SLAMF9: variants seen among roughly 807,000 people sequenced by gnomAD.
The protein encoded by SLAMF9 is CD2 family member 10.
SLAMF9 carries 25 observed loss-of-function variants against 30.4 expected under a neutral mutation model. The observed-to-expected ratio is 0.82, with a 90% CI of 0.60 to 1.15. The LOEUF (loss-of-function observed/expected upper bound fraction) is 1.15, where lower values mean the gene tolerates loss of function less well. SLAMF9 is among the 50% of genes most tolerant of loss of function. The pLI, the probability that SLAMF9 is intolerant of heterozygous loss-of-function variation, is 0.00. For synonymous variants in SLAMF9, 129 were observed against 127.2 expected, an observed-to-expected ratio of 1.01 and a Z score of -0.09; for missense variants, 344 against 346.1, an observed-to-expected ratio of 0.99 and a Z score of 0.05.
the SLAMF9 span, among the ~76,000 whole-genome samples, chr1:159,968,432 C>G: frequency 6.6e-6 from 1 of 152,212 alleles, no homozygotes; most frequent in Non-Finnish European, 1.5e-5. Context: ...GGGCTACTCA[C>G]TCCTCTCCTT....
At chr1:159,954,014 T>C in intron 1 of SLAMF9, 78 bp downstream of exon 1, 1 of 1,561,272 alleles carries the variant, frequency 6.4e-7, no homozygotes, top group Non-Finnish European at 8.8e-7. Flanking sequence ...GAAAGGGTCT[T>C]ACTGGCCCAG....
chr1:159,971,872 C>T, the SLAMF9 span, among the ~76,000 whole-genome samples: 1 of 152,114 alleles, frequency 6.6e-6, no homozygotes, highest in African/African-American at 2.4e-5. Context: ...TGTTTCTCCC[C>T]TGGCACTCTG....
At chr1:159,975,089 T>C in the SLAMF9 span, among the ~76,000 whole-genome samples, 1 of 152,194 alleles carries the variant, frequency 6.6e-6, no homozygotes, top group African/African-American at 2.4e-5. Context: ...TCAGTACTCA[T>C]ATGTACGTCA....
Position 159,954,194 on chromosome 1 carries a change from C to A in SLAMF9, c.-57G>T. 2 of 1,594,082 alleles carry A rather than the reference C, an allele frequency of 1.3e-6. No individual in the cohort carries two copies. The highest frequency in any genetic ancestry group is 1.7e-6 in the Non-Finnish European group (2 of 1,163,332). On this transcript the variant is annotated 5_prime_UTR_variant, in exon 1 of 4. Transcript: ENST00000368093. ...CAGTCAGTCAGTCCCCAGGACTGTG[C>A]AGAAGACTGCATTAGGAGGCTCCTA...
At chr1:159,975,095 C>T in the SLAMF9 span, among the ~76,000 whole-genome samples, 1 of 152,140 alleles carries the variant, frequency 6.6e-6, no homozygotes, top group African/African-American at 2.4e-5. Flanking sequence ...CTCATATGTA[C>T]GTCAGAGATC....
At chr1:159,966,533 C>A in the SLAMF9 span, among the ~76,000 whole-genome samples, 1 of 152,142 alleles carries the variant, frequency 6.6e-6, no homozygotes, top group African/African-American at 2.4e-5. Context: ...TTTTGAGGAA[C>A]CTCCATACTG....
the SLAMF9 span, chr1:159,976,920 G>GAA: frequency 0.016 from 10 of 640 alleles, 1 homozygote; most frequent in Admixed American, 0.11. Context: ...AAAAAAGAAA[G>GAA]AAAGAAAGAA....
chr1:159,981,720 G>A, the SLAMF9 span, among the ~76,000 whole-genome samples: 1 of 152,228 alleles, frequency 6.6e-6, no homozygotes, highest in African/African-American at 2.4e-5. Context: ...TATTTTGGTT[G>A]TGTTGGGTGT....
the SLAMF9 span, chr1:159,972,514 A>T: frequency 6.5e-6 from 1 of 152,976 alleles, no homozygotes; most frequent in Admixed American, 6.5e-5. Flanking sequence ...CCTAGCCCCC[A>T]GGGCTCAGAA....
chr1:159,958,504 A>G (rs1173552612), upstream of SLAMF9, among the ~76,000 whole-genome samples: 1 of 151,440 alleles, frequency 6.6e-6, no homozygotes, highest in Non-Finnish European at 1.5e-5. Context: ...TCTATCACCC[A>G]GGCTGGAGTG....
At chr1:159,952,234 T>C in intron 3 of SLAMF9, 28 bp downstream of exon 3, 1 of 1,611,886 alleles carries the variant, frequency 6.2e-7, no homozygotes. Context: ...TTTCATGAGC[T>C]CAGGGGGTGT....
At chr1:159,982,768 C>T in the SLAMF9 span, among the ~76,000 whole-genome samples, 5,095 of 152,290 alleles carry the variant, frequency 0.033, 183 homozygotes, top group African/African-American at 0.092. Flanking sequence ...CGGTGGCTCA[C>T]GCCTGTAATC....
chr1:159,964,077 AC>A, the SLAMF9 span, among the ~76,000 whole-genome samples: 1 of 152,064 alleles, frequency 6.6e-6, no homozygotes, highest in Non-Finnish European at 1.5e-5. Context: ...AAACAAACAA[AC>A]AAAAAAGACA....
At chr1:159,972,048 A>T in the SLAMF9 span, among the ~76,000 whole-genome samples, 1 of 152,156 alleles carries the variant, frequency 6.6e-6, no homozygotes, top group Non-Finnish European at 1.5e-5. Context: ...GAAGCAGGAG[A>T]CGTAGACAAC....
chr1:159,973,981 G>T, the SLAMF9 span: 1 of 1,610,286 alleles, frequency 6.2e-7, no homozygotes, highest in Non-Finnish European at 8.5e-7. Flanking sequence ...TGAGACAGTG[G>T]TGTATTCTTC....
the SLAMF9 span, among the ~76,000 whole-genome samples, chr1:159,963,878 G>A: frequency 6.6e-6 from 1 of 152,116 alleles, no homozygotes; most frequent in Non-Finnish European, 1.5e-5. Context: ...GGCCAACATA[G>A]TCAAATCCCA....
rs1651831997 is a variant in SLAMF9 at position 159,953,402 on chromosome 1, G to T, written c.298C>A (p.Leu100Met). The T allele has an allele frequency of 5.0e-6, 8 of 1,614,130 alleles. No homozygotes were observed. The highest frequency in any genetic ancestry group is 6.8e-6 in the Non-Finnish European group (8 of 1,180,058). The change falls in exon 2 of 4, where the codon CTG becomes ATG. Residue 100 changes from leucine to methionine, a missense_variant. Leu to Met is a conservative substitution (Grantham distance 15, BLOSUM62 2). Transcript: ENST00000368093. ...TAAAGCCCTGAATCCTCCCAGCTCA[G>T]ATTGCTGATATGCAGGGAATAGCTG... ...DPSYSLHISNLSWEDSGLYQA... is the reference protein window; with the variant it reads ...DPSYSLHISNMSWEDSGLYQA...
the SLAMF9 span, chr1:159,972,864 G>T: frequency 1.0e-6 from 1 of 970,892 alleles, no homozygotes; most frequent in Non-Finnish European, 1.4e-6. Context: ...GGGATGGGAG[G>T]CTCAGCCTGA....
chr1:159,963,614 A>T, the SLAMF9 span, among the ~76,000 whole-genome samples: 1 of 151,924 alleles, frequency 6.6e-6, no homozygotes, highest in African/African-American at 2.4e-5. Context: ...TCCTCAACTT[A>T]CCTCTTAAGT....
Sources: allele counts gnomAD v4.1 joint callset (sites outside exome capture counted in the v4.1 genomes callset), GRCh38; gene constraint gnomAD v4.1.1; transcripts MANE v1.5; gene names NCBI Gene and HGNC (gene_info 2026-07-23, HGNC 2026-07-21).